SCN8A: variants seen among roughly 807,000 people sequenced by gnomAD.
SCN8A encodes sodium voltage-gated channel alpha subunit 8.
A neutral mutation model predicts 184.1 loss-of-function variants in SCN8A; 30 were observed. The observed-to-expected ratio is 0.16, with a 90% CI of 0.12 to 0.22. The LOEUF (loss-of-function observed/expected upper bound fraction) is 0.22, where lower values mean the gene tolerates loss of function less well. Among genes scored for constraint, SCN8A ranks in the 10% least tolerant of loss-of-function variants. The probability of loss-of-function intolerance (pLI) is 1.00; values close to 1 mark genes in which losing one functional copy is unlikely to be tolerated. For synonymous variants in SCN8A, 852 were observed against 907.0 expected (o/e 0.94, Z 1.09); for missense variants, 1,057 against 2,498.9 (o/e 0.42, Z 12.30).
At chr12:51,614,827 C>A (rs1432812730) in intron 1 of SCN8A, among the ~76,000 whole-genome samples, 1 of 134,262 alleles carries the variant, frequency 7.4e-6, no homozygotes, top group Non-Finnish European at 1.6e-5. Context: ...CTCTCTTCTT[C>A]TTATTCCTTT....
At chr12:51,802,927 C>A (rs1181947061) in intron 26 of SCN8A, among the ~76,000 whole-genome samples, 1 of 152,184 alleles carries the variant, frequency 6.6e-6, no homozygotes, top group African/African-American at 2.4e-5. Flanking sequence ...CTCCAGAAAC[C>A]CCAAAACCAA....
chr12:51,612,346 T>G (rs1227084061), intron 1 of SCN8A, among the ~76,000 whole-genome samples: 1 of 152,120 alleles, frequency 6.6e-6, no homozygotes, highest in East Asian at 1.9e-4. Context: ...AATTTTTTTG[T>G]AGAGACAGGG....
Position 51,769,343 on chromosome 12 carries a change from C to G in SCN8A, c.3372+8C>G. ...CCTGAAGGCAGCAAAGATGTAAGGT[C>G]CCAGCCTAGAAACAGCCTTGATCCT... On this transcript the variant is annotated splice_region_variant and intron_variant, in intron 17 of 26. Coordinates refer to ENST00000627620, the MANE Select transcript of SCN8A (RefSeq NM_001330260.2). 1 of 1,565,142 alleles carries G rather than the reference C, an allele frequency of 6.4e-7. No homozygotes were observed. The highest frequency in any genetic ancestry group is 8.7e-7 in the Non-Finnish European group (1 of 1,150,382).
At chr12:51,731,818 T>C (rs1415619388) in intron 12 of SCN8A, among the ~76,000 whole-genome samples, 1 of 152,206 alleles carries the variant, frequency 6.6e-6, no homozygotes, top group Non-Finnish European at 1.5e-5. Context: ...TCTCTGATGA[T>C]CGTAATGTTA....
At chr12:51,802,426 G>A (rs759074724) in intron 26 of SCN8A, among the ~76,000 whole-genome samples, 1 of 152,154 alleles carries the variant, frequency 6.6e-6, no homozygotes, top group Non-Finnish European at 1.5e-5. Flanking sequence ...ATTCCAAGTC[G>A]CAGGGTCCCA....
At chr12:51,645,420 C>A (rs1940558656) in intron 1 of SCN8A, among the ~76,000 whole-genome samples, 1 of 152,022 alleles carries the variant, frequency 6.6e-6, no homozygotes, top group Non-Finnish European at 1.5e-5. Flanking sequence ...AAGTGAGGAG[C>A]CCCTCTGCCC....
At chr12:51,717,147 G>A (rs1941979377) in intron 11 of SCN8A, among the ~76,000 whole-genome samples, 1 of 152,152 alleles carries the variant, frequency 6.6e-6, no homozygotes, top group South Asian at 2.1e-4. Flanking sequence ...GGCATGGCAA[G>A]CCCACTCCTC....
chr12:51,699,830 C>T (rs780039948), intron 7 of SCN8A, 39 bp downstream of exon 7: 1 of 1,543,586 alleles, frequency 6.5e-7, no homozygotes, highest in Non-Finnish European at 8.9e-7. Context: ...TAGGAAAAGT[C>T]TATTCCTAGT....
At chr12:51,682,355 C>G (rs1156968969) in intron 2 of SCN8A, among the ~76,000 whole-genome samples, 2 of 152,052 alleles carry the variant, frequency 1.3e-5, no homozygotes, top group Non-Finnish European at 2.9e-5. Flanking sequence ...TAGAAATGTT[C>G]TCTTCTATTT....
rs1220001670 is a variant in SCN8A, at chr12:51,811,223, A to G, written c.*3794A>G. ...AAGGAGGGGAATAGAGGGAAGAGAA[A>G]TCAAAGGGGCTCTCGCAAAGTTCTG... On this transcript the variant is annotated 3_prime_UTR_variant, in exon 27 of 27. Coordinates refer to ENST00000627620, the MANE Select transcript of SCN8A (RefSeq NM_001330260.2). 6.6e-6 allele frequency: 1 copy of G among 152,160 alleles called. No individual in the cohort carries two copies. The highest frequency in any genetic ancestry group is 6.6e-5 in the Admixed American group (1 of 15,264). The allele number at this position is 152,160 out of a possible 1,614,324, so 9.4% of individuals were successfully genotyped here.
At position 51,812,250 on chromosome 12, in the gene SCN8A, A is replaced by C. The variant is rs1938934692; in HGVS notation, c.*4821A>C. The C allele has an allele frequency of 6.6e-6, 1 of 152,552 alleles. No individual in the cohort carries two copies. The highest frequency in any genetic ancestry group is 2.4e-5 in the African/African-American group (1 of 41,318). The allele number at this position is 152,552 out of a possible 1,614,324, so 9.4% of individuals were successfully genotyped here. On this transcript the variant is annotated 3_prime_UTR_variant, in exon 27 of 27. Transcript: ENST00000627620. ...GTGTGTGAAGAATGTATATAGGTAA[A>C]GGGGAGTGTGGTCCAGTGGTTCCAG...
At chr12:51,616,006 A>G (rs1939828568) in intron 1 of SCN8A, among the ~76,000 whole-genome samples, 1 of 152,186 alleles carries the variant, frequency 6.6e-6, no homozygotes, top group Non-Finnish European at 1.5e-5. Context: ...TGGTGAGACT[A>G]CAGGCGTGAG....
At chr12:51,594,057 A>G (rs35135649) in intron 1 of SCN8A, among the ~76,000 whole-genome samples, 3,253 of 152,308 alleles carry the variant, frequency 0.021, 163 homozygotes, top group East Asian at 0.17. Flanking sequence ...AGCAGAGGTC[A>G]GTATTACTAA....
intron 1 of SCN8A, among the ~76,000 whole-genome samples, chr12:51,654,182 G>C (rs1940775934): frequency 6.6e-6 from 1 of 152,052 alleles, no homozygotes; most frequent in Non-Finnish European, 1.5e-5. Context: ...AGCAACAAAA[G>C]CTTTTCATTT....
At chr12:51,707,920 C>G (rs536797300) in intron 11 of SCN8A, among the ~76,000 whole-genome samples, 2 of 152,126 alleles carry the variant, frequency 1.3e-5, no homozygotes, top group Non-Finnish European at 2.9e-5. Flanking sequence ...TCATTTCTAC[C>G]TCACTATGCT....
chr12:51,769,120 A>T lies in SCN8A; in HGVS notation c.3157A>T (p.Ile1053Phe). ...NCIANHTGAD[I>F]HRNGDFQKNG... ...TATCGCCAATCACACCGGTGCAGACATCCACCGGAATGGTGACTTCCAGAA... is the reference window on the plus strand; with the variant it reads ...TATCGCCAATCACACCGGTGCAGACTTCCACCGGAATGGTGACTTCCAGAA... Residue 1053 changes from isoleucine to phenylalanine, a missense_variant, in exon 17 of 27, where the codon ATC (isoleucine) becomes TTC (phenylalanine). Physicochemically the swap from Ile to Phe is conservative, Grantham distance 21. Transcript: ENST00000627620. The T allele has an allele frequency of 1.2e-6, 2 of 1,613,448 alleles. No homozygotes were observed. The highest frequency in any genetic ancestry group is 1.7e-6 in the Non-Finnish European group (2 of 1,179,622).
intron 1 of SCN8A, among the ~76,000 whole-genome samples, chr12:51,606,046 C>A (rs982567298): frequency 1.6e-4 from 25 of 152,058 alleles, no homozygotes; most frequent in African/African-American, 6.0e-4. Flanking sequence ...TGTGGGTTGT[C>A]TGTTTACTCT....
chr12:51,756,184 AC>A (rs1485750795), intron 14 of SCN8A, among the ~76,000 whole-genome samples: 1 of 151,550 alleles, frequency 6.6e-6, no homozygotes, highest in Admixed American at 6.6e-5. Context: ...TCACCAGGCC[AC>A]CCCTCGTCAC....
At chr12:51,657,115 G>A (rs1053433427) in intron 1 of SCN8A, among the ~76,000 whole-genome samples, 1 of 152,138 alleles carries the variant, frequency 6.6e-6, no homozygotes, top group Non-Finnish European at 1.5e-5. Context: ...ACAGATGAAT[G>A]TGTAAACAAA....
Sources: allele counts gnomAD v4.1 joint callset (sites outside exome capture counted in the v4.1 genomes callset), GRCh38; gene constraint gnomAD v4.1.1; transcripts MANE v1.5; gene names NCBI Gene and HGNC (gene_info 2026-07-23, HGNC 2026-07-21).